The following NCKAP5 variants were observed in gnomAD, a reference collection of about 807,000 sequenced individuals.
NCKAP5 encodes nck-associated protein 5.
Under a neutral mutation model 167.0 loss-of-function variants are expected in NCKAP5, and 92 were observed. The ratio of observed to expected loss-of-function variants is 0.55; its 90% confidence interval spans 0.47 to 0.66. The LOEUF (loss-of-function observed/expected upper bound fraction) is 0.66. Ranked by LOEUF, NCKAP5 falls within the 30% of genes least tolerant of loss-of-function variation. The pLI is 0.00. For synonymous variants in NCKAP5, 891 were observed against 877.4 expected, an observed-to-expected ratio of 1.02 and a Z score of -0.27; for missense variants, 2,378 against 2,315.0, an observed-to-expected ratio of 1.03 and a Z score of -0.56.
At chr2:132,682,147 G>T (rs1176278388) in intron 19 of NCKAP5, among the ~76,000 whole-genome samples, 3 of 152,140 alleles carry the variant, frequency 2.0e-5, no homozygotes, top group African/African-American at 4.8e-5. Context: ...TTGTTTTAAA[G>T]ATTCTTTCAA....
In NCKAP5 at chr2:132,894,669, G is replaced by T. The variant is rs1010786067; in HGVS notation, c.580-15753C>A. ...CAGAAACCACAGGATTAAACTTTAG[G>T]GAGATTATATATTAATCATTTAATT... On this transcript the variant is annotated intron_variant, in intron 8 of 19. Coordinates refer to ENST00000409261, the MANE Select transcript of NCKAP5 (RefSeq NM_207363.3). 5.3e-5 allele frequency among the ~76,000 whole-genome samples: 8 copies of T among 152,150 alleles called. No homozygotes were observed. The East Asian group carries it at 1.6e-3, about 30-fold the overall frequency.
the NCKAP5 span, among the ~76,000 whole-genome samples, chr2:133,611,362 C>G: frequency 6.6e-6 from 1 of 151,356 alleles, no homozygotes; most frequent in East Asian, 2.0e-4. Context: ...CACGGTGATA[C>G]CCAGAGTACA....
intron 6 of NCKAP5, among the ~76,000 whole-genome samples, chr2:133,002,691 C>T (rs1239473717): frequency 6.6e-6 from 1 of 152,222 alleles, no homozygotes; most frequent in East Asian, 1.9e-4. Flanking sequence ...AGGAAACCCT[C>T]CCTTCATGTT....
chr2:133,330,764 TG>T (rs1682801225), intron 3 of NCKAP5, among the ~76,000 whole-genome samples: 2 of 152,020 alleles, frequency 1.3e-5, no homozygotes, highest in South Asian at 4.2e-4. Context: ...GTTGTGGTCG[TG>T]TGCACCTGTA....
chr2:133,077,648 G>A (rs940415083), intron 6 of NCKAP5, among the ~76,000 whole-genome samples: 7 of 152,176 alleles, frequency 4.6e-5, no homozygotes, highest in African/African-American at 1.7e-4. Flanking sequence ...ACACAGTGGT[G>A]TAGAAAACAC....
At chr2:133,383,999 T>C (rs2150959504) in intron 3 of NCKAP5, among the ~76,000 whole-genome samples, 1 of 152,356 alleles carries the variant, frequency 6.6e-6, no homozygotes, top group East Asian at 1.9e-4. Context: ...TTCCCCATTC[T>C]GTAGGTTGCC....
At chr2:133,019,256 T>G (rs2078445278) in intron 6 of NCKAP5, among the ~76,000 whole-genome samples, 1 of 152,202 alleles carries the variant, frequency 6.6e-6, no homozygotes, top group Non-Finnish European at 1.5e-5. Context: ...TCTTTTTTTG[T>G]TATTATCATT....
chr2:133,569,253 C>T (rs1575171231), upstream of NCKAP5, among the ~76,000 whole-genome samples: 1 of 152,122 alleles, frequency 6.6e-6, no homozygotes, highest in African/African-American at 2.4e-5. Context: ...TCCGTTGGTT[C>T]TTATAGTTTT....
chr2:133,369,355 A>C (rs1195107375), intron 3 of NCKAP5, among the ~76,000 whole-genome samples: 1 of 152,228 alleles, frequency 6.6e-6, no homozygotes. Context: ...CTGAGTCACA[A>C]AGATGCCAAG....
intron 5 of NCKAP5, among the ~76,000 whole-genome samples, chr2:133,184,937 T>C (rs529163797): frequency 3.3e-5 from 5 of 152,316 alleles, no homozygotes; most frequent in African/African-American, 4.8e-5. Flanking sequence ...CTGTTGAAAG[T>C]TTATTTTGCT....
intron 8 of NCKAP5, among the ~76,000 whole-genome samples, chr2:132,951,930 C>A (rs2076200400): frequency 6.6e-6 from 1 of 152,138 alleles, no homozygotes; most frequent in African/African-American, 2.4e-5. Flanking sequence ...CAGGGACTCA[C>A]TAAACAAAAA....
At chr2:133,455,788 C>T (rs1169707254) in intron 3 of NCKAP5, among the ~76,000 whole-genome samples, 3 of 152,044 alleles carry the variant, frequency 2.0e-5, no homozygotes, top group Non-Finnish European at 4.4e-5. Context: ...GAACTTAAAC[C>T]CCCTTTTTAT....
chr2:133,393,106 T>C (rs1687520135), intron 3 of NCKAP5, among the ~76,000 whole-genome samples: 2 of 152,216 alleles, frequency 1.3e-5, no homozygotes, highest in Non-Finnish European at 1.5e-5. Flanking sequence ...CAGCTCTTTT[T>C]GGAAACTAGA....
chr2:133,102,401 C>A (rs1360073058), intron 6 of NCKAP5, among the ~76,000 whole-genome samples: 4 of 152,142 alleles, frequency 2.6e-5, no homozygotes, highest in African/African-American at 9.7e-5. Flanking sequence ...CCTGACTCAG[C>A]CTCCCCAAGT....
intron 6 of NCKAP5, among the ~76,000 whole-genome samples, chr2:133,019,853 T>A (rs1672353266): frequency 6.6e-6 from 1 of 152,238 alleles, no homozygotes; most frequent in Non-Finnish European, 1.5e-5. Flanking sequence ...CTCACTTATA[T>A]CCTCTGGTTT....
chr2:132,920,783 A>G (rs56057321), intron 8 of NCKAP5, among the ~76,000 whole-genome samples: 891 of 55,148 alleles, frequency 0.016, 55 homozygotes, highest in East Asian at 0.089. Context: ...ATATATATAT[A>G]TATATATATA....
At position 133,087,300 on chromosome 2, in the gene NCKAP5, T is replaced by A. The variant is rs573088118; in HGVS notation, c.341+42678A>T. ...CTAAATTACTGGTGAAATTTACAAATCCAATGACAAAGTAACGCAAAGACC... is the reference window on the plus strand; with the variant it reads ...CTAAATTACTGGTGAAATTTACAAAACCAATGACAAAGTAACGCAAAGACC... On this transcript the variant is annotated intron_variant, in intron 6 of 19. Transcript: ENST00000409261. Among the ~76,000 whole-genome samples, 140 of 152,270 alleles carry A rather than the reference T, an allele frequency of 9.2e-4. 2 individuals are homozygous for A. The South Asian group carries it at 0.028, about 31-fold the overall frequency.
In NCKAP5 at chr2:132,931,985, C is replaced by T. The variant is rs192208297; in HGVS notation, c.579+31735G>A. On this transcript the variant is annotated intron_variant, in intron 8 of 19. Transcript: ENST00000409261. The stretch of plus-strand genomic sequence containing the variant: ...AGACATTTGAAAAAGAGTGCATATT[C>T]ACCGTACAGGAAAAACTTTATGGAG... 1.1e-3 allele frequency among the ~76,000 whole-genome samples: 174 copies of T among 152,298 alleles called. 1 individual carries two copies. The highest frequency in any genetic ancestry group is 2.7e-3 in the Admixed American group (41 of 15,304).
At chr2:132,740,906 T>C (rs1336891787) in intron 16 of NCKAP5, among the ~76,000 whole-genome samples, 4 of 152,072 alleles carry the variant, frequency 2.6e-5, no homozygotes, top group African/African-American at 7.2e-5. Context: ...ATGAAGAAGT[T>C]ATTTAAACCA....
Sources: gnomAD v4.1 joint callset for allele counts (sites outside exome capture counted in the v4.1 genomes callset) on GRCh38, gnomAD v4.1.1 for gene constraint, MANE v1.5 for transcripts, NCBI Gene and HGNC (gene_info 2026-07-23, HGNC 2026-07-21) for gene names.